The following RAB11FIP2 variants were observed in gnomAD, a reference collection of about 807,000 sequenced individuals.
RAB11FIP2 encodes the protein RAB11 family interacting protein 2, also known as rab11 family-interacting protein 2.
In RAB11FIP2, 16 loss-of-function variants were observed where a neutral mutation model predicts 40.9. That is an observed-to-expected ratio of 0.39 (90% confidence interval 0.26 to 0.59). The LOEUF (loss-of-function observed/expected upper bound fraction) is 0.59, where lower values mean the gene tolerates loss of function less well. Ranked by LOEUF, RAB11FIP2 falls within the 20% of genes least tolerant of loss-of-function variation. The pLI is 0.53. For synonymous variants in RAB11FIP2, 228 were observed against 213.7 expected (o/e 1.07, Z -0.58); for missense variants, 532 against 606.2 (o/e 0.88, Z 1.28).
rs1310660058 is a variant in RAB11FIP2 at position 118,008,831 on chromosome 10, C to T, written c.*167G>A. On this transcript the variant is annotated 3_prime_UTR_variant, in exon 5 of 5. Transcript: ENST00000355624. ...ATGATTTAGCTTGCTTCAAAGGTCACTCTTGATAGTCCCTGCTAATATTTA... is the reference window on the plus strand; with the variant it reads ...ATGATTTAGCTTGCTTCAAAGGTCATTCTTGATAGTCCCTGCTAATATTTA... The T allele has an allele frequency of 4.8e-6, 3 of 621,576 alleles. No individual in the cohort carries two copies. Among genetic ancestry groups the T allele is most frequent in the Non-Finnish European group, 8.4e-6 (3 of 356,418 alleles). 38.5% of individuals were successfully genotyped at this position (621,576 alleles called of 1,614,324 possible).
At chr10:118,031,689 C>T (rs898970608) in intron 3 of RAB11FIP2, among the ~76,000 whole-genome samples, 2 of 152,014 alleles carry the variant, frequency 1.3e-5, no homozygotes, top group Non-Finnish European at 2.9e-5. Flanking sequence ...AACTATTTGG[C>T]GTGAGATCAT....
intron 1 of RAB11FIP2, among the ~76,000 whole-genome samples, chr10:118,040,900 G>A (rs1490423732): frequency 6.6e-6 from 1 of 152,014 alleles, no homozygotes; most frequent in Non-Finnish European, 1.5e-5. Context: ...GGGATTAAGT[G>A]TTGCTCACGG....
At chr10:118,018,572 C>T (rs1207636987) in intron 3 of RAB11FIP2, among the ~76,000 whole-genome samples, 1 of 152,102 alleles carries the variant, frequency 6.6e-6, no homozygotes, top group Non-Finnish European at 1.5e-5. Context: ...AGTTTTTATG[C>T]AAAAGCATCA....
At chr10:118,018,917 T>C (rs927301168) in intron 3 of RAB11FIP2, among the ~76,000 whole-genome samples, 1 of 152,038 alleles carries the variant, frequency 6.6e-6, no homozygotes, top group African/African-American at 2.4e-5. Context: ...TGTTTTTTTG[T>C]TTTTGTTTGT....
At position 118,046,194 on chromosome 10, in the gene RAB11FIP2, T is replaced by C. The variant is rs553925425; in HGVS notation, c.-31A>G. The C allele has an allele frequency of 5.6e-5, 89 of 1,582,534 alleles. No individual in the cohort carries two copies. In the South Asian group the frequency reaches 9.5e-4, roughly 17 times the overall value. ...CCTGTTTCTCTGCCCCCGAGTTCCC[T>C]AGCACAGGCAGTGCCCCTCCCGGAG... On this transcript the variant is annotated 5_prime_UTR_variant, in exon 1 of 5. Coordinates refer to ENST00000355624, the MANE Select transcript of RAB11FIP2 (RefSeq NM_014904.3).
At position 118,014,083 on chromosome 10, in the gene RAB11FIP2, T is replaced by A. The variant is rs187566716; in HGVS notation, c.1311+982A>T. Among the ~76,000 whole-genome samples, 584 of 152,222 alleles carry A rather than the reference T, an allele frequency of 3.8e-3. 4 individuals carry two copies. The highest frequency in any genetic ancestry group is 0.014 in the African/African-American group (566 of 41,556). The stretch of plus-strand genomic sequence containing the variant: ...TTTAAATAAAACAGCAAAAACACAG[T>A]ACAAAGTCCTGTGCTTCTGTAACAG... On this transcript the variant is annotated intron_variant, in intron 4 of 4. Coordinates refer to ENST00000355624, the MANE Select transcript of RAB11FIP2 (RefSeq NM_014904.3).
chr10:118,026,037 AC>A (rs944434558), intron 3 of RAB11FIP2, among the ~76,000 whole-genome samples: 7 of 152,206 alleles, frequency 4.6e-5, no homozygotes, highest in African/African-American at 1.7e-4. Flanking sequence ...TATCAACATA[AC>A]CCTCACAGAG....
intron 1 of RAB11FIP2, among the ~76,000 whole-genome samples, chr10:118,044,068 T>C (rs983972606): frequency 6.6e-6 from 1 of 152,214 alleles, no homozygotes; most frequent in East Asian, 1.9e-4. Flanking sequence ...CAATTTTATA[T>C]AATAGCCAGT....
Position 118,046,140 on chromosome 10 carries a change from T to C in RAB11FIP2, c.24A>G (p.Gln8=). MMLSEQA[Q]KWFPTHVQVT... is the part of the protein sequence containing the mutation. ...CCTGCACGTGGGTTGGAAACCACTTTTGGGCTTGCTCGGACAGCATCATCC... is the reference window on the plus strand; with the variant it reads ...CCTGCACGTGGGTTGGAAACCACTTCTGGGCTTGCTCGGACAGCATCATCC... Residue 8 remains glutamine (Q), a synonymous_variant, in exon 1 of 5, where the codon CAA becomes CAG. Coordinates refer to ENST00000355624, the MANE Select transcript of RAB11FIP2 (RefSeq NM_014904.3). 6.2e-7 allele frequency: 1 copy of C among 1,614,062 alleles called. No individual in the cohort carries two copies. Among genetic ancestry groups the C allele is most frequent in the Non-Finnish European group, 8.5e-7 (1 of 1,180,004 alleles).
chr10:118,039,748 C>A, intron 2 of RAB11FIP2: 1 of 359,354 alleles, frequency 2.8e-6, no homozygotes, highest in Non-Finnish European at 5.0e-6. Context: ...GAGACTTTTT[C>A]ATTAGCATTA....
intron 2 of RAB11FIP2, 26 bp downstream of exon 2, chr10:118,040,097 T>C: frequency 1.3e-6 from 2 of 1,578,870 alleles, no homozygotes; most frequent in Non-Finnish European, 8.6e-7. Context: ...TTCAGACCAA[T>C]GAGTACACAA....
At position 118,046,312 on chromosome 10, in the gene RAB11FIP2, A is replaced by G; in HGVS notation, c.-149T>C. 1 of 710,576 alleles carries G rather than the reference A, an allele frequency of 1.4e-6. No individual in the cohort carries two copies. The allele number at this position is 710,576 out of a possible 1,614,324, so 44.0% of individuals were successfully genotyped here. The stretch of plus-strand genomic sequence containing the variant: ...CCCGACTTCCCTATGGCTGATGTCA[A>G]AACGCCTCGCGGGGGCAGCCCAGGG... On this transcript the variant is annotated 5_prime_UTR_variant, in exon 1 of 5. Coordinates refer to ENST00000355624, the MANE Select transcript of RAB11FIP2 (RefSeq NM_014904.3).
chr10:118,039,943 GCTCT>G (rs1450820418), intron 2 of RAB11FIP2, 176 bp downstream of exon 2: 3 of 561,080 alleles, frequency 5.3e-6, no homozygotes, highest in Non-Finnish European at 9.3e-6. Context: ...ATGCAGACAA[GCTCT>G]GCCTTCAAGG....
chr10:118,031,899 T>C (rs1846419624), intron 3 of RAB11FIP2, among the ~76,000 whole-genome samples: 1 of 151,896 alleles, frequency 6.6e-6, no homozygotes, highest in Admixed American at 6.6e-5. Flanking sequence ...TTTCTATGAG[T>C]CACAAATAGA....
At chr10:118,043,455 T>C (rs1395920855) in intron 1 of RAB11FIP2, 3 of 152,148 alleles carry the variant, frequency 2.0e-5, no homozygotes, top group Non-Finnish European at 2.9e-5. Context: ...AACCCAGACA[T>C]CCTCTAAAGG....
At chr10:118,025,517 C>T (rs1846332224) in intron 3 of RAB11FIP2, among the ~76,000 whole-genome samples, 1 of 152,176 alleles carries the variant, frequency 6.6e-6, no homozygotes, top group South Asian at 2.1e-4. Flanking sequence ...ATGTGCACCT[C>T]TTCCGATTCC....
intron 1 of RAB11FIP2, among the ~76,000 whole-genome samples, chr10:118,044,873 G>A (rs1449637524): frequency 1.3e-5 from 2 of 152,126 alleles, no homozygotes; most frequent in African/African-American, 4.8e-5. Context: ...CCTCTTAGAA[G>A]TTCAACCAGT....
chr10:118,020,016 C>G (rs1846266088), intron 3 of RAB11FIP2, among the ~76,000 whole-genome samples: 3 of 152,042 alleles, frequency 2.0e-5, no homozygotes, highest in Admixed American at 2.0e-4. Context: ...GGACTTTAAC[C>G]ATGGTAACTT....
Position 118,045,895 on chromosome 10 carries a change from G to C in RAB11FIP2, c.269C>G (p.Ser90Cys). 1 of 1,614,130 alleles carries C rather than the reference G, an allele frequency of 6.2e-7. No homozygotes were observed. The change falls in exon 1 of 5, where the codon TCC (serine) becomes TGC (cysteine). Residue 90 changes from serine (S) to cysteine (C), a missense_variant. By Grantham distance (112) the Ser-to-Cys change is moderately radical (BLOSUM62 -1). Transcript: ENST00000355624. ...TAAAAATTTATCCAGACCCACCAGG[G>C]ACCTGTGCATAACTATAAGGAAAAG... ...YILFLIVMHR[S>C]LVGLDKFLGQ... is the part of the protein sequence containing the mutation.
Sources: gnomAD v4.1 joint callset for allele counts (sites outside exome capture counted in the v4.1 genomes callset) on GRCh38, gnomAD v4.1.1 for gene constraint, MANE v1.5 for transcripts, NCBI Gene and HGNC (gene_info 2026-07-23, HGNC 2026-07-21) for gene names.